The following MYO9A variants were observed in gnomAD, a reference collection of about 807,000 sequenced individuals.
MYO9A encodes the protein unconventional myosin-IXa.
In MYO9A, 103 loss-of-function variants were observed where a neutral mutation model predicts 293.3. The observed-to-expected ratio is 0.35, with a 90% CI of 0.30 to 0.41. MYO9A has a LOEUF of 0.41. Among genes scored for constraint, MYO9A ranks in the 10% least tolerant of loss-of-function variants. The pLI is 1.00. For synonymous variants in MYO9A, 1,001 were observed against 1,035.7 expected, an observed-to-expected ratio of 0.97 and a Z score of 0.64; for missense variants, 2,685 against 3,033.0, an observed-to-expected ratio of 0.89 and a Z score of 2.69.
rs551994051 is a variant in MYO9A, at chr15:72,003,719, A to C, written c.1381-3779T>G. On this transcript the variant is annotated intron_variant, in intron 8 of 41. Coordinates refer to ENST00000356056, the MANE Select transcript of MYO9A (RefSeq NM_006901.4). ...ACTCCGTCTCAAAAAAAAAAAAAAA[A>C]AATAAGAACTCAAAAGCAACAAATT... Among the ~76,000 whole-genome samples the C allele has an allele frequency of 8.0e-3, 1,204 of 150,646 alleles. 10 individuals are homozygous for C. The highest frequency in any genetic ancestry group is 0.013 in the Non-Finnish European group (878 of 67,026).
chr15:71,998,853 T>C (rs555045566), intron 9 of MYO9A, among the ~76,000 whole-genome samples: 1 of 152,218 alleles, frequency 6.6e-6, no homozygotes, highest in East Asian at 1.9e-4. Flanking sequence ...CTTGCGATAG[T>C]TTACTGAGAA....
intron 18 of MYO9A, among the ~76,000 whole-genome samples, chr15:71,925,077 G>A (rs1240157456): frequency 6.6e-6 from 1 of 151,942 alleles, no homozygotes; most frequent in East Asian, 1.9e-4. Context: ...ATTGCTGAAA[G>A]TGGAGTGTTG....
intron 39 of MYO9A, chr15:71,847,381 A>G (rs1217119841): frequency 2.3e-6 from 1 of 439,300 alleles, no homozygotes; most frequent in Non-Finnish European, 4.7e-6. Context: ...AATAATGTAG[A>G]GTGGCTGTGA....
At chr15:71,916,320 A>G in intron 19 of MYO9A, 50 bp downstream of exon 19, 1 of 1,583,600 alleles carries the variant, frequency 6.3e-7, no homozygotes, top group Non-Finnish European at 8.6e-7. Context: ...TTTCAATGAC[A>G]ATCTGAAAGA....
chr15:71,940,528 T>C (rs1434749187), intron 15 of MYO9A, among the ~76,000 whole-genome samples: 1 of 151,792 alleles, frequency 6.6e-6, no homozygotes, highest in Non-Finnish European at 1.5e-5. Context: ...GGGGCGGAAA[T>C]AGCAATAAAT....
intron 20 of MYO9A, 51 bp from the exon 21 acceptor site, chr15:71,904,090 A>G (rs2057560674): frequency 7.2e-7 from 1 of 1,384,730 alleles, no homozygotes; most frequent in Admixed American, 1.9e-5. Context: ...CTCCAAATTA[A>G]TTATCTGTTT....
At chr15:72,014,540 G>A (rs555176593) in intron 6 of MYO9A, among the ~76,000 whole-genome samples, 2 of 152,056 alleles carry the variant, frequency 1.3e-5, no homozygotes, top group African/African-American at 2.4e-5. Flanking sequence ...ACAAAAATTA[G>A]CCAGGCGTGG....
chr15:71,969,392 C>T (rs749156275), intron 12 of MYO9A, among the ~76,000 whole-genome samples: 8 of 152,178 alleles, frequency 5.3e-5, no homozygotes, highest in African/African-American at 9.7e-5. Context: ...AACAGTCTCA[C>T]CAATCTTCTT....
rs777166156 is a variant in MYO9A at position 72,032,401 on chromosome 15, G to T, written c.935+93C>A. ...GAAGAATTTTAATGCTGACACCAAT[G>T]TCTGGGAATGAACAATACATAGTTT... On this transcript the variant is annotated intron_variant, in intron 3 of 41. Transcript: ENST00000356056. 5.4e-4 allele frequency: 405 copies of T among 746,942 alleles called. 2 individuals carry two copies. The highest frequency in any genetic ancestry group is 1.0e-3 in the Middle Eastern group (4 of 3,970). 46.3% of individuals were successfully genotyped at this position (746,942 alleles called of 1,614,324 possible).
At chr15:71,925,178 TATATACATGTGTATATATACAC>T (rs2058261580) in intron 18 of MYO9A, among the ~76,000 whole-genome samples, 1 of 2,450 alleles carries the variant, frequency 4.1e-4, no homozygotes, top group African/African-American at 6.2e-4. Flanking sequence ...TATATACACA[TATATACATGTGTATATATACAC>T]ATATATACAT....
At position 71,881,406 on chromosome 15, in the gene MYO9A, G is replaced by A. The variant is rs926569622; in HGVS notation, c.5399-848C>T. Among the ~76,000 whole-genome samples the A allele has an allele frequency of 9.3e-4, 141 of 151,912 alleles. 1 individual carries two copies. The highest frequency in any genetic ancestry group is 3.4e-3 in the Middle Eastern group (1 of 294). ...ATCCAAACTAACTTTGATAATAAAG[G>A]AAAAAAGTAGCCCCCTACATGCTAA... On this transcript the variant is annotated intron_variant, in intron 28 of 41. Transcript: ENST00000356056.
intron 4 of MYO9A, among the ~76,000 whole-genome samples, chr15:72,021,968 A>C (rs772599813): frequency 6.6e-6 from 1 of 152,216 alleles, no homozygotes; most frequent in Non-Finnish European, 1.5e-5. Context: ...AACAATATAC[A>C]TAGAGAGCCC....
rs1476260715 is a variant in MYO9A, at chr15:71,849,700, AAAGGATT to A, written c.6713+329_6713+335del. 3.3e-4 allele frequency among the ~76,000 whole-genome samples: 14 copies of A among 42,508 alleles called. No individual in the cohort carries two copies. In the East Asian group the frequency reaches 5.1e-3, roughly 15 times the overall value. 27.9% of individuals were successfully genotyped at this position (42,508 alleles called of 152,430 possible). A position where few individuals can be genotyped will look rare whatever the true frequency, so the allele number is the denominator to read the frequency against. ...ACAGGAATACTGAAGTATTAAGACC[AAAGGATT>A]CAGAGCCATTAAGACCACAGTTAGA... On this transcript the variant is annotated intron_variant, in intron 38 of 41. Coordinates refer to ENST00000356056, the MANE Select transcript of MYO9A (RefSeq NM_006901.4).
chr15:71,850,765 C>CAAAAAAAAAAAAAAAAAAAAAAA (rs780727961), intron 37 of MYO9A, among the ~76,000 whole-genome samples: 3 of 44,142 alleles, frequency 6.8e-5, no homozygotes, highest in African/African-American at 1.0e-4. Context: ...AACTGTGTCT[C>CAAAAAAAAAAAAAAAAAAAAAAA]AAAAAAAAAA....
intron 6 of MYO9A, among the ~76,000 whole-genome samples, chr15:72,010,840 A>C (rs942407068): frequency 7.9e-5 from 12 of 152,172 alleles, no homozygotes; most frequent in African/African-American, 2.9e-4. Context: ...CTATTTATTC[A>C]ACAAATATTT....
chr15:72,041,337 G>A (rs976524403), intron 2 of MYO9A: 21 of 594,540 alleles, frequency 3.5e-5, no homozygotes, highest in Non-Finnish European at 6.4e-5. Context: ...AACTTCATCA[G>A]CTTCTGTCGG....
chr15:71,992,834 T>C lies in MYO9A; in HGVS notation c.1588-1597A>G, dbSNP rs997445115. The stretch of plus-strand genomic sequence containing the variant: ...TATAAAAATATAAGAATAAATATTT[T>C]ATAATCTTGGGCTAGAAGAGGCCTT... On this transcript the variant is annotated intron_variant, in intron 10 of 41. Coordinates refer to ENST00000356056, the MANE Select transcript of MYO9A (RefSeq NM_006901.4). Among the ~76,000 whole-genome samples, 3 of 151,602 alleles carry C rather than the reference T, an allele frequency of 2.0e-5. 1 individual carries two copies. In the South Asian group the frequency reaches 6.2e-4, roughly 31 times the overall value.
intron 8 of MYO9A, among the ~76,000 whole-genome samples, chr15:72,000,261 G>A (rs925003450): frequency 1.3e-4 from 20 of 152,202 alleles, no homozygotes; most frequent in African/African-American, 4.8e-4. Context: ...CATGCTGGAG[G>A]CAAGGACTAA....
rs746325200 is a variant in MYO9A at position 71,898,422 on chromosome 15, T to C, written c.4081A>G (p.Ile1361Val). The change falls in exon 25 of 42, where the codon ATA (isoleucine) becomes GTA (valine). Residue 1361 changes from isoleucine to valine, a missense_variant. This residue lies in a region of MYO9A where 1,434 missense variants were observed against 1,497.7 expected (regional missense o/e 0.96). Coordinates refer to ENST00000356056, the MANE Select transcript of MYO9A (RefSeq NM_006901.4). The stretch of plus-strand genomic sequence containing the variant: ...GAATCAAATTTTGGACTGCTGGATA[T>C]CTTAGGTGATGGAAACTGCAAGTCT... ...EGDLQFPSPKISSSPKFDSRD... is the reference protein window; with the variant it reads ...EGDLQFPSPKVSSSPKFDSRD... 1.3e-5 allele frequency: 21 copies of C among 1,613,768 alleles called. No individual in the cohort carries two copies. The African/African-American group carries it at 2.4e-4, about 18-fold the overall frequency.
Sources: gnomAD v4.1 joint callset for allele counts (sites outside exome capture counted in the v4.1 genomes callset) on GRCh38, gnomAD v4.1.1 for gene constraint, gnomAD v4.1.1 regional missense constraint, MANE v1.5 for transcripts, NCBI Gene and HGNC (gene_info 2026-07-23, HGNC 2026-07-21) for gene names.